Variants in DMD observed in about 807,000 individuals in gnomAD.
DMD encodes mutant dystrophin.
A neutral mutation model predicts 330.1 loss-of-function variants in DMD; 63 were observed. That is an observed-to-expected ratio of 0.19 (90% CI 0.16 to 0.24). The LOEUF (loss-of-function observed/expected upper bound fraction) is 0.24, where lower values mean the gene tolerates loss of function less well. Among genes scored for constraint, DMD ranks in the 10% least tolerant of loss-of-function variants. The pLI, the probability that DMD is intolerant of heterozygous loss-of-function variation, is 1.00. For missense variants in DMD, 3,344 were observed against 2,684.1 expected (o/e 1.25, Z -5.43); for synonymous variants, 1,223 against 959.8 (o/e 1.27, Z -5.07).
At chrX:31,232,002 G>C (rs746404021) in intron 63 of DMD, among the ~76,000 whole-genome samples, 2 of 106,611 alleles carry the variant, frequency 1.9e-5, no homozygotes, top group African/African-American at 6.9e-5. Flanking sequence ...CTTGGAGAAG[G>C]TGACATTGAA....
intron 60 of DMD, among the ~76,000 whole-genome samples, chrX:31,377,344 T>C (rs1026172034): frequency 1.9e-4 from 21 of 112,046 alleles, no homozygotes; most frequent in Non-Finnish European, 3.8e-4. Flanking sequence ...TTAGGGTGTT[T>C]GTGAACTGAA....
At chrX:32,646,984 G>C (rs763871122) in intron 9 of DMD, among the ~76,000 whole-genome samples, 1 of 110,503 alleles carries the variant, frequency 9.0e-6, no homozygotes, top group African/African-American at 3.3e-5. Context: ...CTTCCATGGT[G>C]TATCTCTTCC....
chrX:32,424,262 T>G (rs1395960568), intron 29 of DMD, among the ~76,000 whole-genome samples: 2 of 110,262 alleles, frequency 1.8e-5, no homozygotes, highest in Non-Finnish European at 3.8e-5. Flanking sequence ...AAGTCAAGAT[T>G]CAAGATATCC....
chrX:31,192,581 A>G (rs1411587826), intron 67 of DMD, among the ~76,000 whole-genome samples: 9 of 111,861 alleles, frequency 8.0e-5, no homozygotes, highest in Middle Eastern at 4.6e-3. Context: ...AAGCTTTGAA[A>G]TAAGTACAAT....
At chrX:32,770,166 G>C (rs773147641) in intron 7 of DMD, among the ~76,000 whole-genome samples, 1 of 111,662 alleles carries the variant, frequency 9.0e-6, no homozygotes, top group Non-Finnish European at 1.9e-5. Context: ...GAAAGAACAT[G>C]GGGTTGTATT....
intron 4 of DMD, among the ~76,000 whole-genome samples, chrX:32,835,817 G>A (rs2079564665): frequency 9.0e-6 from 1 of 111,351 alleles, no homozygotes; most frequent in African/African-American, 3.3e-5. Flanking sequence ...AAGACAAAAT[G>A]ACCTTGACTT....
At chrX:31,736,389 A>C (rs759070555) in intron 51 of DMD, among the ~76,000 whole-genome samples, 1 of 111,411 alleles carries the variant, frequency 9.0e-6, no homozygotes, top group Non-Finnish European at 1.9e-5. Flanking sequence ...GGAAACGACA[A>C]AGAAAGTGGT....
At chrX:32,343,376 T>G (rs1449592775) in intron 39 of DMD, 90 bp from the exon 40 acceptor site, 1 of 862,648 alleles carries the variant, frequency 1.2e-6, no homozygotes, top group Non-Finnish European at 1.7e-6. Flanking sequence ...TTTGCGTCCC[T>G]CATCTTTTTG....
intron 12 of DMD, among the ~76,000 whole-genome samples, chrX:32,609,694 T>A (rs2057011093): frequency 9.0e-6 from 1 of 111,447 alleles, no homozygotes; most frequent in Non-Finnish European, 1.9e-5. Context: ...TTAACTAACC[T>A]TCAAGAAAAG....
chrX:32,613,551 G>A (rs909640939), intron 12 of DMD, among the ~76,000 whole-genome samples: 2 of 110,232 alleles, frequency 1.8e-5, no homozygotes, highest in African/African-American at 6.6e-5. Flanking sequence ...CTATAGAAAA[G>A]CAATGCTTCA....
intron 1 of DMD, among the ~76,000 whole-genome samples, chrX:33,322,790 G>T (rs760729428): frequency 2.1e-4 from 24 of 111,804 alleles, no homozygotes; most frequent in Admixed American, 9.5e-4. Flanking sequence ...AAATCCCTAT[G>T]CTAAAGAGTT....
At chrX:32,683,720 C>A (rs779831582) in intron 9 of DMD, among the ~76,000 whole-genome samples, 2 of 104,870 alleles carry the variant, frequency 1.9e-5, no homozygotes, top group South Asian at 4.5e-4. Context: ...GTGCAGCACA[C>A]CAACATGGCA....
intron 18 of DMD, among the ~76,000 whole-genome samples, chrX:32,515,996 G>A (rs190400275): frequency 1.8e-5 from 2 of 110,754 alleles, no homozygotes; most frequent in Non-Finnish European, 3.8e-5. Flanking sequence ...ACTGATAATG[G>A]CCTATGATAT....
chrX:31,746,005 C>T (rs760403), intron 51 of DMD, among the ~76,000 whole-genome samples: 11,365 of 111,769 alleles, frequency 0.1, 470 homozygotes, highest in Non-Finnish European at 0.13. Context: ...AATAAGTCTT[C>T]AGGTAGTACT....
intron 2 of DMD, among the ~76,000 whole-genome samples, chrX:32,950,812 T>C (rs1366254606): frequency 8.9e-6 from 1 of 111,874 alleles, no homozygotes; most frequent in Admixed American, 9.5e-5. Flanking sequence ...ATACATTCAT[T>C]TGTGCACTTT....
intron 62 of DMD, among the ~76,000 whole-genome samples, chrX:31,274,381 C>T (rs1302385738): frequency 8.9e-6 from 1 of 111,774 alleles, no homozygotes; most frequent in Non-Finnish European, 1.9e-5. Context: ...CAGCAGAAAC[C>T]TGGAGTAGTC....
chrX:32,250,218 T>C (rs1475602066), intron 43 of DMD, among the ~76,000 whole-genome samples: 7 of 111,584 alleles, frequency 6.3e-5, no homozygotes, highest in Non-Finnish European at 1.1e-4. Flanking sequence ...AGTGGGAGTA[T>C]TGGAAATGGG....
At chrX:31,933,589 C>T (rs1226157424) in intron 45 of DMD, among the ~76,000 whole-genome samples, 1 of 111,401 alleles carries the variant, frequency 9.0e-6, no homozygotes, top group African/African-American at 3.3e-5. Context: ...ACGTACAGGA[C>T]ACTGCACAAT....
chrX:33,077,711 G>A (rs2094867099), intron 1 of DMD, among the ~76,000 whole-genome samples: 1 of 112,132 alleles, frequency 8.9e-6, no homozygotes, highest in South Asian at 3.7e-4. Context: ...CCTAGGATGA[G>A]AAGTACAATT....
Sources: allele counts gnomAD v4.1 joint callset (sites outside exome capture counted in the v4.1 genomes callset), GRCh38; gene constraint gnomAD v4.1.1; transcripts MANE v1.5; gene names NCBI Gene and HGNC (gene_info 2026-07-23, HGNC 2026-07-21).